FIGN: variants seen among roughly 807,000 people sequenced by gnomAD.
The protein encoded by FIGN is fidgetin, microtubule severing factor, also known as fidgetin.
Under a neutral mutation model 51.3 loss-of-function variants are expected in FIGN, and 11 were observed. The ratio of observed to expected loss-of-function variants is 0.21; its 90% CI spans 0.13 to 0.35. The LOEUF is 0.35. FIGN is among the 10% of genes least tolerant of loss of function. FIGN has a pLI of 1.00. For synonymous variants in FIGN, 407 were observed against 363.2 expected (o/e 1.12, Z -1.37); for missense variants, 857 against 943.6 (o/e 0.91, Z 1.20).
intron 2 of FIGN, among the ~76,000 whole-genome samples, chr2:163,717,371 C>A (rs796761038): frequency 2.6e-5 from 4 of 152,196 alleles, no homozygotes; most frequent in African/African-American, 7.2e-5. Context: ...GTATATCCAC[C>A]ATCCTAGGGT....
chr2:163,732,380 TAAG>T (rs1413132712), intron 2 of FIGN, among the ~76,000 whole-genome samples: 1 of 151,282 alleles, frequency 6.6e-6, no homozygotes, highest in Non-Finnish European at 1.5e-5. Flanking sequence ...ATAATGAAGA[TAAG>T]AAACAAGCAT....
intron 2 of FIGN, among the ~76,000 whole-genome samples, chr2:163,657,468 GGTGT>G (rs906344450): frequency 2.0e-5 from 3 of 150,952 alleles, no homozygotes; most frequent in African/African-American, 7.3e-5. Context: ...TAATGTTGGG[GGTGT>G]GTCAAACATC....
At chr2:163,735,277 C>A (rs181824988) in intron 1 of FIGN, among the ~76,000 whole-genome samples, 68 of 152,196 alleles carry the variant, frequency 4.5e-4, no homozygotes, top group Non-Finnish European at 7.9e-4. Flanking sequence ...ATACATCTTT[C>A]TCTCCCGTTC....
intron 2 of FIGN, among the ~76,000 whole-genome samples, chr2:163,712,929 G>A (rs542372933): frequency 3.9e-5 from 6 of 152,106 alleles, no homozygotes; most frequent in Non-Finnish European, 7.4e-5. Flanking sequence ...TAAAGTAAAC[G>A]TTGGTGAAAT....
intron 2 of FIGN, among the ~76,000 whole-genome samples, chr2:163,644,383 A>G (rs1186870875): frequency 6.6e-6 from 1 of 152,208 alleles, no homozygotes; most frequent in Non-Finnish European, 1.5e-5. Flanking sequence ...ACAATGAAAT[A>G]CCATTTCATA....
rs1691050469 is a variant in FIGN at position 163,604,815 on chromosome 2, A to AGT, written c.*4736_*4737insAC. The AGT allele has an allele frequency of 6.6e-6, 1 of 150,900 alleles. No homozygotes were observed. Among genetic ancestry groups the AGT allele is most frequent in the Non-Finnish European group, 1.5e-5 (1 of 67,728 alleles). The allele number at this position is 150,900 out of a possible 1,614,324, so 9.3% of individuals were successfully genotyped here. ...GAGAGTTAGAGACAGAGAGAGAGAG[A>AGT]GAGAGAGAGAAGAGAGAGGAAGAGG... On this transcript the variant is annotated 3_prime_UTR_variant, in exon 3 of 3. Transcript: ENST00000333129.
intron 2 of FIGN, among the ~76,000 whole-genome samples, chr2:163,708,789 A>G (rs764142362): frequency 2.0e-5 from 3 of 152,144 alleles, no homozygotes; most frequent in Non-Finnish European, 2.9e-5. Context: ...AAAAAGAAAA[A>G]CAAGGTAGAC....
intron 2 of FIGN, among the ~76,000 whole-genome samples, chr2:163,614,409 TA>T (rs1432510626): frequency 6.6e-6 from 1 of 152,132 alleles, no homozygotes; most frequent in Non-Finnish European, 1.5e-5. Context: ...TCAAGCCTTA[TA>T]AAAAGGAGAG....
chr2:163,651,261 G>C (rs1683470891), intron 2 of FIGN, among the ~76,000 whole-genome samples: 1 of 152,122 alleles, frequency 6.6e-6, no homozygotes. Context: ...AGGAGATTGA[G>C]ACTATCCTGG....
intron 2 of FIGN, among the ~76,000 whole-genome samples, chr2:163,717,213 A>G (rs768047272): frequency 6.6e-6 from 1 of 152,282 alleles, no homozygotes; most frequent in South Asian, 2.1e-4. Context: ...TATTATTTTT[A>G]CAAGAATGCT....
intron 2 of FIGN, among the ~76,000 whole-genome samples, chr2:163,616,040 G>A (rs183591965): frequency 2.0e-5 from 3 of 151,358 alleles, no homozygotes; most frequent in African/African-American, 7.2e-5. Context: ...TTATTTTATT[G>A]TTATGGGATG....
chr2:163,707,455 G>C (rs1320027015), intron 2 of FIGN, among the ~76,000 whole-genome samples: 1 of 152,150 alleles, frequency 6.6e-6, no homozygotes, highest in East Asian at 1.9e-4. Flanking sequence ...ATTTCAAAGA[G>C]TGTAGTGACA....
intron 2 of FIGN, among the ~76,000 whole-genome samples, chr2:163,696,721 C>A (rs546038135): frequency 1.3e-5 from 2 of 151,740 alleles, no homozygotes; most frequent in African/African-American, 4.8e-5. Flanking sequence ...AGGCTGGAGT[C>A]CTGTGGTCCA....
chr2:163,701,448 C>T (rs1415940253), intron 2 of FIGN, among the ~76,000 whole-genome samples: 1 of 152,164 alleles, frequency 6.6e-6, no homozygotes, highest in Non-Finnish European at 1.5e-5. Context: ...ACTGCAACTA[C>T]CAAAGATGAA....
intron 2 of FIGN, among the ~76,000 whole-genome samples, chr2:163,615,876 T>C (rs925655887): frequency 1.3e-5 from 2 of 152,212 alleles, no homozygotes; most frequent in African/African-American, 2.4e-5. Context: ...ATTTTTACTT[T>C]TGAAAGGATC....
chr2:163,696,822 C>T (rs1257266322), intron 2 of FIGN, among the ~76,000 whole-genome samples: 1 of 150,554 alleles, frequency 6.6e-6, no homozygotes, highest in Admixed American at 6.6e-5. Flanking sequence ...TGCACACCAC[C>T]GTGTCTGGCT....
chr2:163,685,007 G>C lies in FIGN; in HGVS notation c.25+49896C>G, dbSNP rs1022186352. Among the ~76,000 whole-genome samples the C allele has an allele frequency of 4.7e-5, 7 of 148,604 alleles. No individual in the cohort carries two copies. In the East Asian group the frequency reaches 1.4e-3, roughly 29 times the overall value. On this transcript the variant is annotated intron_variant, in intron 2 of 2. Transcript: ENST00000333129. ...TTACCATGTTGGCCAGGCTGGTCTC[G>C]AGCTACTGACCTCGTGATTCACCCG...
At chr2:163,693,303 G>A (rs749111783) in intron 2 of FIGN, among the ~76,000 whole-genome samples, 1 of 151,994 alleles carries the variant, frequency 6.6e-6, no homozygotes, top group African/African-American at 2.4e-5. Flanking sequence ...TAGCTAAAAC[G>A]ACCAGAGGAG....
chr2:163,614,386 C>T (rs1454829476), intron 2 of FIGN, among the ~76,000 whole-genome samples: 3 of 152,008 alleles, frequency 2.0e-5, no homozygotes, highest in East Asian at 1.9e-4. Flanking sequence ...CTTCTAGTGT[C>T]GTGGGATTTA....
Sources: allele counts gnomAD v4.1 joint callset (sites outside exome capture counted in the v4.1 genomes callset), GRCh38; gene constraint gnomAD v4.1.1; transcripts MANE v1.5; gene names NCBI Gene and HGNC (gene_info 2026-07-23, HGNC 2026-07-21).